Variants in RGS20 observed in about 807,000 individuals in gnomAD.
RGS20 encodes regulator of G protein signaling 20.
Under a neutral mutation model 33.6 loss-of-function variants are expected in RGS20, and 30 were observed. That is an observed-to-expected ratio of 0.89 (90% confidence interval 0.67 to 1.21). The LOEUF is 1.21. Ranked by LOEUF, RGS20 falls within the 50% of genes most tolerant of loss-of-function variation. The probability of loss-of-function intolerance (pLI) is 0.00; values close to 1 mark genes in which losing one functional copy is unlikely to be tolerated. For synonymous variants in RGS20, 208 were observed against 197.9 expected (o/e 1.05, Z -0.43); for missense variants, 472 against 502.4 (o/e 0.94, Z 0.58).
At chr8:53,885,083 T>C (rs1201155438) in intron 2 of RGS20, among the ~76,000 whole-genome samples, 1 of 152,244 alleles carries the variant, frequency 6.6e-6, no homozygotes, top group African/African-American at 2.4e-5. Context: ...CCTTCAAAAT[T>C]ACACAGAAGG....
intron 2 of RGS20, among the ~76,000 whole-genome samples, chr8:53,928,713 C>T (rs1351456442): frequency 6.6e-6 from 1 of 151,762 alleles, no homozygotes; most frequent in Non-Finnish European, 1.5e-5. Context: ...ATCCTAGCTA[C>T]TCGGGAGGCT....
intron 1 of RGS20, among the ~76,000 whole-genome samples, chr8:53,874,401 TGC>T (rs1554518107): frequency 1.1e-4 from 14 of 124,950 alleles, no homozygotes; most frequent in African/African-American, 1.1e-4. Flanking sequence ...TGTGTGTGTG[TGC>T]GCGCGCGTGT....
At chr8:53,940,033 T>C (rs1814244826) in intron 3 of RGS20, among the ~76,000 whole-genome samples, 1 of 152,166 alleles carries the variant, frequency 6.6e-6, no homozygotes, top group African/African-American at 2.4e-5. Flanking sequence ...TAGAAAGAAT[T>C]GGACTCGAGG....
At chr8:53,910,780 C>G (rs1813328125) in intron 2 of RGS20, among the ~76,000 whole-genome samples, 1 of 152,140 alleles carries the variant, frequency 6.6e-6, no homozygotes, top group Non-Finnish European at 1.5e-5. Flanking sequence ...TACACACGAC[C>G]AGGTGAATCT....
chr8:53,948,174 A>G (rs1814583641), intron 4 of RGS20, among the ~76,000 whole-genome samples: 1 of 135,758 alleles, frequency 7.4e-6, no homozygotes, highest in South Asian at 2.4e-4. Context: ...TATGCTATAT[A>G]TATGATATAG....
intron 2 of RGS20, among the ~76,000 whole-genome samples, chr8:53,926,428 T>C (rs1192167947): frequency 1.3e-5 from 2 of 152,326 alleles, no homozygotes; most frequent in Middle Eastern, 3.4e-3. Flanking sequence ...TTCTATATCT[T>C]TCTGGAACAG....
intron 3 of RGS20, among the ~76,000 whole-genome samples, chr8:53,941,121 G>T (rs146803720): frequency 3.9e-5 from 6 of 152,218 alleles, no homozygotes; most frequent in African/African-American, 7.2e-5. Flanking sequence ...ATTGTCCCGG[G>T]ATAGTGTAAG....
rs759109822 is a variant in RGS20, at chr8:53,879,298, C to T, written c.206C>T (p.Pro69Leu). Residue 69 changes from proline to leucine, a missense_variant, in exon 2 of 6, where the codon CCG becomes CTG. This residue lies in a region of RGS20 where 319 missense variants were observed against 283.4 expected (regional missense o/e 1.13). Transcript: ENST00000297313. ...CAGCTCCCAGACTCGCCCGCCGCCC[C>T]GAAGCTGTTCGGCCTCCTTTCTAGC... The T allele has an allele frequency of 1.2e-6, 2 of 1,613,768 alleles. No individual in the cohort carries two copies. The highest frequency in any genetic ancestry group is 1.1e-5 in the South Asian group (1 of 91,084).
intron 2 of RGS20, among the ~76,000 whole-genome samples, chr8:53,907,802 G>T (rs1813226754): frequency 6.6e-6 from 1 of 152,104 alleles, no homozygotes; most frequent in South Asian, 2.1e-4. Flanking sequence ...GGGGCCAAAA[G>T]ATTTAACCAG....
chr8:53,881,792 AT>A (rs2129274791), intron 2 of RGS20, among the ~76,000 whole-genome samples: 1 of 152,016 alleles, frequency 6.6e-6, no homozygotes, highest in East Asian at 2.0e-4. Flanking sequence ...CGCCGCCGGG[AT>A]TTTCCTGGAA....
At position 53,877,922 on chromosome 8, in the gene RGS20, C is replaced by A. The variant is rs552931217; in HGVS notation, c.166-1336C>A. Among the ~76,000 whole-genome samples, 2 of 152,220 alleles carry A rather than the reference C, an allele frequency of 1.3e-5. No homozygotes were observed. The highest frequency in any genetic ancestry group is 2.9e-5 in the Non-Finnish European group (2 of 68,042). ...CAAGACTTCCACCGCCGAAAGAATACAGGCCGGGCCTGGTGACTGCGGAGT... is the reference window on the plus strand; with the variant it reads ...CAAGACTTCCACCGCCGAAAGAATAAAGGCCGGGCCTGGTGACTGCGGAGT... On this transcript the variant is annotated intron_variant, in intron 1 of 5. Coordinates refer to ENST00000297313, the MANE Select transcript of RGS20 (RefSeq NM_170587.4). This position sits in a 1 kb window ranked among gnomAD's most constrained non-coding sequence, Gnocchi z 5.7.
In RGS20 at chr8:53,949,845, CT is replaced by C. The variant is rs146812689; in HGVS notation, c.743+3109del. Among the ~76,000 whole-genome samples the C allele has an allele frequency of 3.2e-3, 463 of 145,556 alleles. 3 individuals are homozygous for C. The highest frequency in any genetic ancestry group is 9.8e-3 in the African/African-American group (390 of 39,860). ...GAGAGTAAACACTGTTAACACATTT[CT>C]TTTTTTTTTTTGAGATGGAGTCTAG... On this transcript the variant is annotated intron_variant, in intron 4 of 5. Transcript: ENST00000297313.
At chr8:53,904,377 C>T (rs959142558) in intron 2 of RGS20, among the ~76,000 whole-genome samples, 7 of 152,226 alleles carry the variant, frequency 4.6e-5, no homozygotes, top group Non-Finnish European at 8.8e-5. Flanking sequence ...AGTGATCCTT[C>T]TGCCTTGGCC....
chr8:53,922,903 C>T (rs959558566), intron 2 of RGS20, among the ~76,000 whole-genome samples: 2 of 152,116 alleles, frequency 1.3e-5, no homozygotes, highest in African/African-American at 4.8e-5. Context: ...TCAAGTGAGC[C>T]TCCTTCCTTG....
intron 2 of RGS20, among the ~76,000 whole-genome samples, chr8:53,899,908 C>T (rs16919658): frequency 0.16 from 24,951 of 152,146 alleles, 6,462 homozygotes; most frequent in African/African-American, 0.55. Context: ...CTCAGCAGAC[C>T]TCCTGGTGCT....
chr8:53,946,352 C>T (rs910132363), intron 3 of RGS20, among the ~76,000 whole-genome samples: 6 of 152,044 alleles, frequency 3.9e-5, no homozygotes, highest in African/African-American at 7.2e-5. Context: ...CATGAGCCAC[C>T]GCGCCGAACC....
chr8:53,912,409 G>C (rs986362230), intron 2 of RGS20, among the ~76,000 whole-genome samples: 1 of 149,980 alleles, frequency 6.7e-6, no homozygotes, highest in Non-Finnish European at 1.5e-5. Context: ...AAGATACCTG[G>C]TTTTAATTTG....
intron 2 of RGS20, among the ~76,000 whole-genome samples, chr8:53,922,740 A>G (rs1372963118): frequency 6.6e-6 from 1 of 152,092 alleles, no homozygotes; most frequent in Non-Finnish European, 1.5e-5. Flanking sequence ...TGGTGCAATC[A>G]TAGCTCGAAC....
intron 1 of RGS20, among the ~76,000 whole-genome samples, chr8:53,859,295 C>A (rs1251135530): frequency 5.9e-5 from 9 of 152,102 alleles, no homozygotes; most frequent in Admixed American, 5.9e-4. Flanking sequence ...ATCATCTTGA[C>A]CTTTTGGGGA....
Sources: gnomAD v4.1 joint callset for allele counts (sites outside exome capture counted in the v4.1 genomes callset) on GRCh38, gnomAD v4.1.1 for gene constraint, gnomAD v4.1.1 regional missense constraint, Gnocchi (gnomAD v3.1) non-coding constraint, MANE v1.5 for transcripts, NCBI Gene and HGNC (gene_info 2026-07-23, HGNC 2026-07-21) for gene names.